Variants in ZNF568 observed in about 807,000 individuals in gnomAD.
The protein encoded by ZNF568 is zinc finger protein 568, also known as p53 inhibitor of SCO2 activation.
Under a neutral mutation model 18.1 loss-of-function variants are expected in ZNF568, and 11 were observed. The observed-to-expected ratio is 0.61, with a 90% CI of 0.38 to 1.00. ZNF568 has a LOEUF of 1.00. ZNF568 is among the 50% of genes least tolerant of loss of function. The pLI, the probability that ZNF568 is intolerant of heterozygous loss-of-function variation, is 0.01. For missense variants in ZNF568, 639 were observed against 768.2 expected (o/e 0.83, Z 1.99); for synonymous variants, 213 against 246.6 (o/e 0.86, Z 1.28).
intron 4 of ZNF568, among the ~76,000 whole-genome samples, chr19:36,934,940 C>CTT (rs74663110): frequency 7.3e-6 from 1 of 136,514 alleles, no homozygotes. Context: ...TTTATTGAGG[C>CTT]TTTTTTTTTT....
In ZNF568 at chr19:36,922,776, A is replaced by C. The variant is rs758418244; in HGVS notation, c.6A>C (p.Thr2=). 1.1e-5 allele frequency: 17 copies of C among 1,613,910 alleles called. No individual in the cohort carries two copies. In the Admixed American group the frequency reaches 2.8e-4, roughly 27 times the overall value. M[T]SQSSVISNSC... is the part of the protein sequence containing the mutation. ...CCAGAGCAGGCAGGGTCTGAATGAC[A>C]TCTCAATCTTCAGTGATCAGCAATA... The change falls in exon 3 of 7, where the codon ACA becomes ACC. Residue 2 remains threonine, a synonymous_variant. Transcript: ENST00000333987.
At chr19:36,949,214 C>T (rs2074016679) in intron 6 of ZNF568, among the ~76,000 whole-genome samples, 2 of 152,086 alleles carry the variant, frequency 1.3e-5, no homozygotes, top group South Asian at 2.1e-4. Context: ...TTTGTGTTCA[C>T]CCTTTCATTT....
In ZNF568 at chr19:36,952,438, T is replaced by A. The variant is rs1248134376; in HGVS notation, c.*1350T>A. 6.6e-6 allele frequency: 1 copy of A among 152,218 alleles called. No individual in the cohort carries two copies. The highest frequency in any genetic ancestry group is 1.5e-5 in the Non-Finnish European group (1 of 68,066). The allele number at this position is 152,218 out of a possible 1,614,324, so 9.4% of individuals were successfully genotyped here. A position where few individuals can be genotyped will look rare whatever the true frequency, so the allele number is the denominator to read the frequency against. On this transcript the variant is annotated 3_prime_UTR_variant, in exon 7 of 7. Coordinates refer to ENST00000333987, the MANE Select transcript of ZNF568 (RefSeq NM_198539.4). ...ATCCATATTGTGTAACATGGATAGT[T>A]AAAACAATGTTGAATGAAAAAAATC...
rs570127470 is a variant in ZNF568, at chr19:36,948,877, G to A, written c.359-635G>A. Among the ~76,000 whole-genome samples the A allele has an allele frequency of 3.5e-4, 53 of 152,048 alleles. 1 individual carries two copies. Among genetic ancestry groups the A allele is most frequent in the African/African-American group, 1.2e-3 (51 of 41,474 alleles). On this transcript the variant is annotated intron_variant, in intron 6 of 6. Transcript: ENST00000333987. ...GCTTGTTTATCCCTACCTTTTGAGC[G>A]CCTAGATTCTCCAATTCTTGAGCCT...
In ZNF568 at chr19:36,951,970, G is replaced by C; in HGVS notation, c.*882G>C. On this transcript the variant is annotated 3_prime_UTR_variant, in exon 7 of 7. Transcript: ENST00000333987. ...CTAAAGGATTTAAATACTGGAATTT[G>C]AAAAGCCAAACTGTGAAACCATTGG... 3 of 978,072 alleles carry C rather than the reference G, an allele frequency of 3.1e-6. No individual in the cohort carries two copies. Among genetic ancestry groups the C allele is most frequent in the Non-Finnish European group, 3.6e-6 (3 of 828,324 alleles). 60.6% of individuals were successfully genotyped at this position (978,072 alleles called of 1,614,324 possible). A position where few individuals can be genotyped will look rare whatever the true frequency, so the allele number is the denominator to read the frequency against.
intron 6 of ZNF568, among the ~76,000 whole-genome samples, chr19:36,961,723 A>G (rs1600832748): frequency 6.6e-6 from 1 of 152,094 alleles, no homozygotes; most frequent in Non-Finnish European, 1.5e-5. Context: ...GGGTTGTGCC[A>G]TATTGGCCAG....
chr19:36,938,803 A>G (rs2073831610), intron 6 of ZNF568, among the ~76,000 whole-genome samples: 3 of 152,094 alleles, frequency 2.0e-5, no homozygotes, highest in African/African-American at 7.2e-5. Flanking sequence ...CAGGATGCCT[A>G]TAGGTTTCTT....
rs951337150 is a variant in ZNF568 at position 36,924,873 on chromosome 19, T to G, written c.77-327T>G. On this transcript the variant is annotated intron_variant, in intron 3 of 6. Transcript: ENST00000333987. The stretch of plus-strand genomic sequence containing the variant: ...AAAATTTTAAAGATCATCCCAATCT[T>G]TAAATTTTTGGGGTAACTATTATTA... 2.0e-5 allele frequency among the ~76,000 whole-genome samples: 3 copies of G among 152,068 alleles called. No individual in the cohort carries two copies. In the South Asian group the frequency reaches 6.2e-4, roughly 32 times the overall value.
intron 6 of ZNF568, among the ~76,000 whole-genome samples, chr19:36,944,633 C>A (rs900769559): frequency 6.6e-6 from 1 of 152,080 alleles, no homozygotes; most frequent in African/African-American, 2.4e-5. Context: ...TAGCAGCATG[C>A]CTGCTTCTAC....
chr19:36,991,734 C>G (rs762078613), intron 3 of ZNF568: 54 of 1,545,312 alleles, frequency 3.5e-5, no homozygotes, highest in Admixed American at 3.4e-4. Context: ...AACCTTGTTC[C>G]CTTTGTTTTT....
intron 2 of ZNF568, among the ~76,000 whole-genome samples, chr19:36,989,177 A>G (rs1156391592): frequency 3.9e-5 from 6 of 152,108 alleles, no homozygotes; most frequent in South Asian, 4.1e-4. Context: ...AAAGACTGCT[A>G]TCTCTTTTAT....
At chr19:36,994,202 G>A (rs542915134) in intron 4 of ZNF568, among the ~76,000 whole-genome samples, 2 of 151,742 alleles carry the variant, frequency 1.3e-5, no homozygotes, top group East Asian at 1.9e-4. Flanking sequence ...TAATTTTCAC[G>A]TTTGTGAATT....
chr19:36,979,784 C>A (rs1051108832), exon 8 of ZNF568: 3 of 152,168 alleles, frequency 2.0e-5, no homozygotes, highest in African/African-American at 7.2e-5. Context: ...AGGTTATATG[C>A]ATTTTCAGCC....
At chr19:36,923,106 C>T (rs955668036) in intron 3 of ZNF568, among the ~76,000 whole-genome samples, 4 of 152,072 alleles carry the variant, frequency 2.6e-5, no homozygotes, top group African/African-American at 4.8e-5. Flanking sequence ...CTTCCTATTC[C>T]ATCCATCCTG....
At chr19:36,978,935 C>T in intron 7 of ZNF568, 1 of 326,986 alleles carries the variant, frequency 3.1e-6, no homozygotes, top group South Asian at 2.4e-5. Flanking sequence ...CGCTTGGTCT[C>T]AATTGCTGTA....
At chr19:36,941,925 C>T (rs1433470901) in intron 6 of ZNF568, among the ~76,000 whole-genome samples, 1 of 147,646 alleles carries the variant, frequency 6.8e-6, no homozygotes, top group Non-Finnish European at 1.5e-5. Context: ...CTTTTTTTAA[C>T]TATCTCTTTT....
rs1325592001 is a variant in ZNF568, at chr19:36,922,864, T to G, written c.76+18T>G. ...AAGGAAAGGTGAGGTGGCTCATAGG[T>G]GGACAGAGCTTAGGAGAGAAAGGCT... is the stretch of plus-strand genomic sequence containing the variant. On this transcript the variant is annotated intron_variant, in intron 3 of 6. Transcript: ENST00000333987. The G allele has an allele frequency of 6.2e-7, 1 of 1,611,882 alleles. No individual in the cohort carries two copies. The highest frequency in any genetic ancestry group is 1.7e-5 in the Admixed American group (1 of 59,948).
chr19:36,926,121 ACTAATATT>A (rs1416944515), intron 4 of ZNF568, among the ~76,000 whole-genome samples: 3 of 152,238 alleles, frequency 2.0e-5, no homozygotes, highest in Admixed American at 6.5e-5. Flanking sequence ...GCTAAATTAT[ACTAATATT>A]CTATGGCAGA....
intron 4 of ZNF568, chr19:36,991,960 A>G: frequency 1.3e-6 from 1 of 771,908 alleles, no homozygotes; most frequent in Admixed American, 2.7e-5. Context: ...AAGGCTTGAG[A>G]TCTGGGGAAG....
Sources: allele counts gnomAD v4.1 joint callset (sites outside exome capture counted in the v4.1 genomes callset), GRCh38; gene constraint gnomAD v4.1.1; transcripts MANE v1.5; gene names NCBI Gene and HGNC (gene_info 2026-07-23, HGNC 2026-07-21).